CDC73: variants seen among roughly 807,000 people sequenced by gnomAD.
CDC73 encodes the protein cell division cycle 73, also known as parafibromin.
CDC73 carries 21 observed loss-of-function variants against 83.7 expected under a neutral mutation model. The observed-to-expected ratio is 0.25, with a 90% CI of 0.18 to 0.36. The LOEUF (loss-of-function observed/expected upper bound fraction) is 0.36, where lower values mean the gene tolerates loss of function less well. Ranked by LOEUF, CDC73 falls within the 10% of genes least tolerant of loss-of-function variation. CDC73 has a pLI of 1.00. For synonymous variants in CDC73, 224 were observed against 212.9 expected (o/e 1.05, Z -0.45); for missense variants, 342 against 653.3 (o/e 0.52, Z 5.19).
At position 193,162,882 on chromosome 1, in the gene CDC73, A is replaced by C. The variant is rs187624329; in HGVS notation, c.972+10438A>C. Reference sequence around the variant, plus strand: ...TGGAATTGAATTCCTAATATATTTCATTATACCAAACTTGAGAACTAAAAT... The same window carrying C: ...TGGAATTGAATTCCTAATATATTTCCTTATACCAAACTTGAGAACTAAAAT... On this transcript the variant is annotated intron_variant, in intron 10 of 16. Transcript: ENST00000367435. 3.5e-3 allele frequency among the ~76,000 whole-genome samples: 527 copies of C among 152,242 alleles called. 2 individuals carry two copies. The highest frequency in any genetic ancestry group is 5.2e-3 in the Non-Finnish European group (357 of 68,006).
At chr1:193,141,197 G>T (rs1193235648) in intron 6 of CDC73, 2 of 151,952 alleles carry the variant, frequency 1.3e-5, no homozygotes, top group African/African-American at 2.4e-5. Flanking sequence ...AAGACACTTT[G>T]CTTAAGATTA....
chr1:193,133,628 A>C (rs947160801), intron 3 of CDC73, among the ~76,000 whole-genome samples: 10 of 152,198 alleles, frequency 6.6e-5, no homozygotes, highest in African/African-American at 2.4e-4. Flanking sequence ...AATGGGAGGA[A>C]GGTGGGATTA....
intron 15 of CDC73, among the ~76,000 whole-genome samples, chr1:193,237,287 A>G (rs1677778008): frequency 6.6e-6 from 1 of 152,084 alleles, no homozygotes. Flanking sequence ...CCCAAGCTTG[A>G]AAGTTTTAGT....
rs142818501 is a variant in CDC73 at position 193,172,204 on chromosome 1, C to T, written c.972+19760C>T. ...CCTCCCAAAGTGTTGGGATTACAGG[C>T]GTGAGCCACTGCGCCTGGCTGATTT... On this transcript the variant is annotated intron_variant, in intron 10 of 16. Transcript: ENST00000367435. 4.8e-3 allele frequency among the ~76,000 whole-genome samples: 704 copies of T among 148,080 alleles called. 4 individuals carry two copies. Among genetic ancestry groups the T allele is most frequent in the East Asian group, 0.028 (139 of 5,038 alleles).
chr1:193,134,528 G>A (rs1436029670), intron 3 of CDC73, among the ~76,000 whole-genome samples: 4 of 152,140 alleles, frequency 2.6e-5, no homozygotes, highest in Non-Finnish European at 5.9e-5. Context: ...AAAATTAGCC[G>A]GGCGTGGTGG....
chr1:193,131,516 A>G (rs529732666), intron 3 of CDC73, among the ~76,000 whole-genome samples: 3 of 152,290 alleles, frequency 2.0e-5, no homozygotes, highest in Admixed American at 6.5e-5. Flanking sequence ...AAAAGTATAT[A>G]AACTTGATTG....
At chr1:193,124,270 T>C (rs779685388) in intron 1 of CDC73, among the ~76,000 whole-genome samples, 1 of 152,242 alleles carries the variant, frequency 6.6e-6, no homozygotes, top group Non-Finnish European at 1.5e-5. Flanking sequence ...CTCTTCTTAT[T>C]GTATGCAGTG....
intron 6 of CDC73, among the ~76,000 whole-genome samples, chr1:193,138,828 G>A (rs1273094747): frequency 7.1e-6 from 1 of 140,250 alleles, no homozygotes; most frequent in Non-Finnish European, 1.5e-5. Flanking sequence ...AGGCTAGAGT[G>A]CAGTGGTGCG....
Position 193,252,245 on chromosome 1 carries a change from T to C in CDC73, c.*1533T>C, listed in dbSNP as rs1393334253. 5 of 230,840 alleles carry C rather than the reference T, an allele frequency of 2.2e-5. No homozygotes were observed. Among genetic ancestry groups the C allele is most frequent in the African/African-American group, 1.1e-4 (5 of 45,254 alleles). The allele number at this position is 230,840 out of a possible 1,614,324, so 14.3% of individuals were successfully genotyped here. ...ATTCTACCCCTATTTTCCTCCCTTT[T>C]TAGCGTCTTCTTTCCTTAAAGATAA... is the stretch of plus-strand genomic sequence containing the variant. On this transcript the variant is annotated 3_prime_UTR_variant, in exon 17 of 17. Coordinates refer to ENST00000367435, the MANE Select transcript of CDC73 (RefSeq NM_024529.5).
chr1:193,209,877 T>TC (rs1677247115), intron 11 of CDC73, among the ~76,000 whole-genome samples: 1 of 151,986 alleles, frequency 6.6e-6, no homozygotes, highest in Non-Finnish European at 1.5e-5. Context: ...TCTCTTCCTC[T>TC]CCCCCCTCTC....
intron 6 of CDC73, among the ~76,000 whole-genome samples, 155 bp downstream of exon 6, chr1:193,138,328 G>GGAAGTCATTGTGTTTATCAT (rs1220532831): frequency 6.6e-6 from 1 of 152,180 alleles, no homozygotes; most frequent in African/African-American, 2.4e-5. Context: ...TGTGGGGATT[G>GGAAGTCATTGTGTTTATCAT]GAAGTCATTG....
At chr1:193,140,840 G>GT (rs1170013402) in intron 6 of CDC73, among the ~76,000 whole-genome samples, 2 of 152,182 alleles carry the variant, frequency 1.3e-5, no homozygotes, top group African/African-American at 4.8e-5. Context: ...TTGATAGCAG[G>GT]TAACTGAAAC....
At chr1:193,128,068 C>G (rs754942202) in intron 2 of CDC73, 4 of 152,162 alleles carry the variant, frequency 2.6e-5, no homozygotes, top group African/African-American at 9.7e-5. Flanking sequence ...GGATTACAGG[C>G]GTGAGCCACT....
intron 10 of CDC73, among the ~76,000 whole-genome samples, chr1:193,190,170 T>G (rs528724806): frequency 2.7e-4 from 41 of 152,236 alleles, no homozygotes; most frequent in Non-Finnish European, 4.8e-4. Flanking sequence ...TCTTAATGTT[T>G]TAGATCAGGT....
At chr1:193,146,059 G>A (rs1675995108) in intron 7 of CDC73, among the ~76,000 whole-genome samples, 1 of 152,144 alleles carries the variant, frequency 6.6e-6, no homozygotes, top group South Asian at 2.1e-4. Flanking sequence ...AGAGGGGTAA[G>A]GTGGGAAGAG....
At chr1:193,228,662 C>T (rs1327914496) in intron 13 of CDC73, among the ~76,000 whole-genome samples, 1 of 152,076 alleles carries the variant, frequency 6.6e-6, no homozygotes, top group Non-Finnish European at 1.5e-5. Flanking sequence ...ACACCATACA[C>T]AAACATTTTT....
intron 13 of CDC73, among the ~76,000 whole-genome samples, chr1:193,229,836 A>G (rs897508980): frequency 6.6e-6 from 1 of 152,230 alleles, no homozygotes; most frequent in African/African-American, 2.4e-5. Context: ...GAGTGTGTCT[A>G]TATAAATTCC....
At chr1:193,234,832 G>A (rs1025075507) in intron 14 of CDC73, among the ~76,000 whole-genome samples, 1 of 152,100 alleles carries the variant, frequency 6.6e-6, no homozygotes, top group African/African-American at 2.4e-5. Flanking sequence ...GATTTTGACA[G>A]TTTGAGGCAT....
At chr1:193,145,904 G>A (rs549898073) in intron 7 of CDC73, among the ~76,000 whole-genome samples, 2 of 152,162 alleles carry the variant, frequency 1.3e-5, no homozygotes, top group Non-Finnish European at 2.9e-5. Context: ...AGCTCTCACA[G>A]AAGTTATACT....
Sources: gnomAD v4.1 joint callset for allele counts (sites outside exome capture counted in the v4.1 genomes callset) on GRCh38, gnomAD v4.1.1 for gene constraint, MANE v1.5 for transcripts, NCBI Gene and HGNC (gene_info 2026-07-23, HGNC 2026-07-21) for gene names.